The following SNAP23 variants were observed in gnomAD, a reference collection of about 807,000 sequenced individuals.
SNAP23 encodes synaptosome associated protein 23, also known as synaptosomal-associated protein 23.
A neutral mutation model predicts 29.0 loss-of-function variants in SNAP23; 11 were observed. The observed-to-expected ratio is 0.38, with a 90% CI of 0.24 to 0.63. The LOEUF is 0.63. Ranked by LOEUF, SNAP23 falls within the 20% of genes least tolerant of loss-of-function variation. SNAP23 has a pLI of 0.58. For missense variants in SNAP23, 220 were observed against 253.9 expected (o/e 0.87, Z 0.91); for synonymous variants, 60 against 82.9 (o/e 0.72, Z 1.50).
chr15:42,493,212 C>T (rs927836133), upstream of SNAP23, among the ~76,000 whole-genome samples: 4 of 151,964 alleles, frequency 2.6e-5, no homozygotes, highest in African/African-American at 9.7e-5. Flanking sequence ...AGTGGTGGTG[C>T]ACACCTGTAG....
upstream of SNAP23, among the ~76,000 whole-genome samples, chr15:42,493,615 G>A (rs907282521): frequency 6.6e-5 from 10 of 152,028 alleles, no homozygotes; most frequent in African/African-American, 1.9e-4. Flanking sequence ...AGTGACTGCT[G>A]CTTGAGAAAT....
chr15:42,531,586 G>T lies in SNAP23; in HGVS notation c.*108G>T. On this transcript the variant is annotated 3_prime_UTR_variant, in exon 8 of 8. Coordinates refer to ENST00000249647, the MANE Select transcript of SNAP23 (RefSeq NM_003825.4). ...CGGTTCCACGCTCTTCTAATTGGGA[G>T]ATAATATGGAAGAAGGGCCAGAGCA... 2.6e-6 allele frequency: 2 copies of T among 779,252 alleles called. No homozygotes were observed. The highest frequency in any genetic ancestry group is 2.7e-5 in the East Asian group (1 of 36,582). The allele number at this position is 779,252 out of a possible 1,614,324, so 48.3% of individuals were successfully genotyped here.
intron 1 of SNAP23, among the ~76,000 whole-genome samples, chr15:42,509,693 C>A (rs982895518): frequency 2.6e-5 from 4 of 152,164 alleles, no homozygotes; most frequent in African/African-American, 9.7e-5. Context: ...CCGCCTCGGC[C>A]TCCCAAAGTA....
chr15:42,528,719 G>A (rs554757919), intron 6 of SNAP23, among the ~76,000 whole-genome samples: 1 of 152,204 alleles, frequency 6.6e-6, no homozygotes, highest in Non-Finnish European at 1.5e-5. Flanking sequence ...CCGAGTAGCT[G>A]GGACTACAGG....
At chr15:42,527,560 ATT>A (rs960879156) in intron 5 of SNAP23, among the ~76,000 whole-genome samples, 4 of 151,756 alleles carry the variant, frequency 2.6e-5, no homozygotes, top group African/African-American at 9.7e-5. Flanking sequence ...TAATGTTTGT[ATT>A]TTTTTATAGA....
At chr15:42,516,456 G>A (rs1264139836) in intron 5 of SNAP23, among the ~76,000 whole-genome samples, 1 of 151,746 alleles carries the variant, frequency 6.6e-6, no homozygotes, top group East Asian at 2.0e-4. Flanking sequence ...TCAGCCTCCC[G>A]AGTAGCTGGG....
chr15:42,522,968 A>G (rs1429751806), intron 5 of SNAP23, among the ~76,000 whole-genome samples: 5 of 147,158 alleles, frequency 3.4e-5, no homozygotes, highest in African/African-American at 1.3e-4. Context: ...CCTCAGCCTC[A>G]CGAGTAACTG....
At chr15:42,505,797 C>T (rs1365821957) in intron 1 of SNAP23, 1 of 152,002 alleles carries the variant, frequency 6.6e-6, no homozygotes, top group Non-Finnish European at 1.5e-5. Flanking sequence ...CTTAGGTGAT[C>T]TGCCCACCTT....
At chr15:42,501,686 G>A (rs965003694) in intron 1 of SNAP23, among the ~76,000 whole-genome samples, 3 of 152,158 alleles carry the variant, frequency 2.0e-5, no homozygotes, top group Admixed American at 6.6e-5. Context: ...TGCTGAGATT[G>A]TAAGCATGAG....
rs2057527138 is a variant in SNAP23, at chr15:42,528,413, A to G, written c.418A>G (p.Ile140Val). The G allele has an allele frequency of 1.2e-6, 2 of 1,614,154 alleles. No individual in the cohort carries two copies. The highest frequency in any genetic ancestry group is 1.7e-6 in the Non-Finnish European group (2 of 1,179,994). Reference sequence around the variant, plus strand: ...AACGGGAGCAGCCAGTGGTGGATACATTAAACGGTATGCCAACTCCTCCTG... The same window carrying G: ...AACGGGAGCAGCCAGTGGTGGATACGTTAAACGGTATGCCAACTCCTCCTG... ...PTTGAASGGY[I>V]KRITNDARED... is the part of the protein sequence containing the mutation. Residue 140 changes from isoleucine (I) to valine (V), a missense_variant, in exon 6 of 8, where the codon ATT becomes GTT. Physicochemically the swap from Ile to Val is conservative, Grantham distance 29 (BLOSUM62 3). Coordinates refer to ENST00000249647, the MANE Select transcript of SNAP23 (RefSeq NM_003825.4).
upstream of SNAP23, among the ~76,000 whole-genome samples, chr15:42,492,058 G>A (rs1219306178): frequency 1.3e-5 from 2 of 151,768 alleles, no homozygotes; most frequent in South Asian, 4.1e-4. Context: ...TTACAGACGT[G>A]CACTACCACG....
intron 1 of SNAP23, among the ~76,000 whole-genome samples, chr15:42,499,012 C>T (rs1327351662): frequency 6.6e-6 from 1 of 151,584 alleles, no homozygotes; most frequent in Admixed American, 6.6e-5. Flanking sequence ...ATATTTGTTT[C>T]TTGTACACTG....
At chr15:42,495,543 A>C (rs2057210416), upstream of SNAP23, 1 of 151,842 alleles carries the variant, frequency 6.6e-6, no homozygotes, top group Admixed American at 6.6e-5. Context: ...GGACATTTAA[A>C]CCCCCAGCAC....
At chr15:42,493,911 C>T (rs897157595), upstream of SNAP23, among the ~76,000 whole-genome samples, 3 of 151,546 alleles carry the variant, frequency 2.0e-5, no homozygotes, top group African/African-American at 4.8e-5. Flanking sequence ...GGGGAAATAT[C>T]TCCTCTCTCT....
intron 1 of SNAP23, among the ~76,000 whole-genome samples, chr15:42,501,619 C>G (rs2057271300): frequency 2.0e-5 from 3 of 151,924 alleles, no homozygotes. Flanking sequence ...GCTTTACTAC[C>G]CAGGCTGGTC....
intron 2 of SNAP23, 26 bp from the exon 3 acceptor site, chr15:42,512,929 T>C (rs528111451): frequency 2.5e-6 from 4 of 1,581,998 alleles, no homozygotes; most frequent in Admixed American, 1.7e-5. Context: ...TATTTTGGAA[T>C]GCTAAAATTC....
At chr15:42,496,864 T>C (rs2057223680) in intron 1 of SNAP23, among the ~76,000 whole-genome samples, 1 of 152,086 alleles carries the variant, frequency 6.6e-6, no homozygotes, top group Non-Finnish European at 1.5e-5. Context: ...AAGCACCTTC[T>C]TCACAGGATG....
chr15:42,491,208 A>C (rs1356314017), upstream of SNAP23: 1 of 152,304 alleles, frequency 6.6e-6, no homozygotes, highest in East Asian at 1.9e-4. Context: ...CTTTATTTGA[A>C]CACAAGAGAG....
At chr15:42,512,095 G>T (rs939367660) in intron 2 of SNAP23, 192 bp downstream of exon 2, 10 of 356,804 alleles carry the variant, frequency 2.8e-5, no homozygotes, top group African/African-American at 2.1e-4. Flanking sequence ...AAAACAATTT[G>T]TATGATTTTT....
Sources: gnomAD v4.1 joint callset for allele counts (sites outside exome capture counted in the v4.1 genomes callset) on GRCh38, gnomAD v4.1.1 for gene constraint, MANE v1.5 for transcripts, NCBI Gene and HGNC (gene_info 2026-07-23, HGNC 2026-07-21) for gene names.